SLC22A23: variants seen among roughly 807,000 people sequenced by gnomAD.
The protein encoded by SLC22A23 is ion transporter protein.
In SLC22A23, 26 loss-of-function variants were observed where a neutral mutation model predicts 61.0. The observed-to-expected ratio is 0.43, with a 90% CI of 0.31 to 0.59. The LOEUF (loss-of-function observed/expected upper bound fraction) is 0.59, where lower values mean the gene tolerates loss of function less well. Ranked by LOEUF, SLC22A23 falls within the 20% of genes least tolerant of loss-of-function variation. The pLI is 0.11. For synonymous variants in SLC22A23, 430 were observed against 413.9 expected (o/e 1.04, Z -0.47); for missense variants, 796 against 934.7 (o/e 0.85, Z 1.94).
At chr6:3,275,728 G>A (rs778035660) in intron 9 of SLC22A23, among the ~76,000 whole-genome samples, 4 of 152,170 alleles carry the variant, frequency 2.6e-5, no homozygotes, top group South Asian at 4.1e-4. Flanking sequence ...GACTATAGGC[G>A]CGTGCCACCA....
rs1215337858 is a variant in SLC22A23, at chr6:3,387,768, T to G, written c.913+22420A>C. On this transcript the variant is annotated intron_variant, in intron 3 of 9. Coordinates refer to ENST00000406686, the MANE Select transcript of SLC22A23 (RefSeq NM_015482.2). The surrounding 1 kb of genome is among the most constrained non-coding windows in gnomAD (Gnocchi z 5.0). ...ATGTTTTTAAAATATGGTGAACAAG[T>G]AAGTATATGTATATTTCATTCAAAG... is the stretch of plus-strand genomic sequence containing the variant. 1.3e-5 allele frequency among the ~76,000 whole-genome samples: 2 copies of G among 152,168 alleles called. No individual in the cohort carries two copies. The highest frequency in any genetic ancestry group is 3.8e-4 in the East Asian group (2 of 5,198).
intron 3 of SLC22A23, among the ~76,000 whole-genome samples, chr6:3,391,068 C>A (rs779819214): frequency 6.6e-6 from 1 of 152,170 alleles, no homozygotes; most frequent in South Asian, 2.1e-4. Context: ...CCTTCTCTCA[C>A]GGAGCTACAA....
At position 3,428,805 on chromosome 6, in the gene SLC22A23, T is replaced by C. The variant is rs183838712; in HGVS notation, c.655-12950A>G. 7.2e-5 allele frequency among the ~76,000 whole-genome samples: 11 copies of C among 152,324 alleles called. 1 individual carries two copies. The East Asian group carries it at 2.1e-3, about 29-fold the overall frequency. On this transcript the variant is annotated intron_variant, in intron 1 of 9. Transcript: ENST00000406686. ...GTTGAAGCTTTTTTTGAAGGCAGCA[T>C]GCCTAAAAGGGTAACAATAAGTGTT...
chr6:3,347,488 T>C (rs1764510147), intron 3 of SLC22A23, among the ~76,000 whole-genome samples: 1 of 151,808 alleles, frequency 6.6e-6, no homozygotes, highest in African/African-American at 2.4e-5. Context: ...CACTTAGTCA[T>C]TCCTTCCCCT....
chr6:3,416,578 T>C (rs1769720365), intron 1 of SLC22A23, among the ~76,000 whole-genome samples: 1 of 152,254 alleles, frequency 6.6e-6, no homozygotes, highest in Non-Finnish European at 1.5e-5. Flanking sequence ...TTTCTCCACT[T>C]GCAGGATCAG....
rs559273907 is a variant in SLC22A23 at position 3,427,906 on chromosome 6, G to A, written c.655-12051C>T. Among the ~76,000 whole-genome samples, 4 of 152,202 alleles carry A rather than the reference G, an allele frequency of 2.6e-5. No individual in the cohort carries two copies. Among genetic ancestry groups the A allele is most frequent in the Non-Finnish European group, 4.4e-5 (3 of 68,040 alleles). On this transcript the variant is annotated intron_variant, in intron 1 of 9. Transcript: ENST00000406686. This position sits in a 1 kb window ranked among gnomAD's most constrained non-coding sequence, Gnocchi z 4.3. ...GGCTCCCGGCCCCCGCCCTCTGGTC[G>A]GGAGAGGAAGAAGGTCGGCTGCACC...
At chr6:3,305,362 AAGTTGGGAAGC>A (rs1761902439) in intron 4 of SLC22A23, among the ~76,000 whole-genome samples, 3 of 152,208 alleles carry the variant, frequency 2.0e-5, no homozygotes, top group Admixed American at 2.0e-4. Flanking sequence ...CCGGTGACTG[AAGTTGGGAAGC>A]AGTGTTCCAG....
chr6:3,282,513 G>A (rs888817272), intron 9 of SLC22A23, among the ~76,000 whole-genome samples: 4 of 152,204 alleles, frequency 2.6e-5, no homozygotes, highest in African/African-American at 4.8e-5. Flanking sequence ...GAAAGTCCAC[G>A]GACCTGCCTA....
intron 3 of SLC22A23, among the ~76,000 whole-genome samples, chr6:3,370,158 T>C (rs947571157): frequency 2.6e-5 from 4 of 152,206 alleles, no homozygotes; most frequent in Admixed American, 1.3e-4. Context: ...CCTAAATTTA[T>C]TTTTTCCTTG....
Position 3,296,472 on chromosome 6 carries a change from A to G in SLC22A23, c.1210+1619T>C, listed in dbSNP as rs559912939. ...GTGCCTCTCTCATAGGCTGTCATGG[A>G]GAAATAATACACGTGAAGCACTTGG... On this transcript the variant is annotated intron_variant, in intron 5 of 9. Transcript: ENST00000406686. Among the ~76,000 whole-genome samples, 141 of 152,318 alleles carry G rather than the reference A, an allele frequency of 9.3e-4. 3 individuals are homozygous for G. In the South Asian group the frequency reaches 0.029, roughly 31 times the overall value.
chr6:3,425,645 G>T (rs1770444026), intron 1 of SLC22A23, among the ~76,000 whole-genome samples: 1 of 152,126 alleles, frequency 6.6e-6, no homozygotes, highest in Non-Finnish European at 1.5e-5. Context: ...TCTAGGTGAA[G>T]AAAGGAAACT....
rs995120186 is a variant in SLC22A23, at chr6:3,387,327, A to C, written c.913+22861T>G. Among the ~76,000 whole-genome samples the C allele has an allele frequency of 1.3e-5, 2 of 152,208 alleles. No homozygotes were observed. Among genetic ancestry groups the C allele is most frequent in the Non-Finnish European group, 2.9e-5 (2 of 68,040 alleles). On this transcript the variant is annotated intron_variant, in intron 3 of 9. Transcript: ENST00000406686. The surrounding 1 kb of genome is among the most constrained non-coding windows in gnomAD (Gnocchi z 5.0). ...TGAGCAGGGTGGTGCTCTTCCCCCT[A>C]GTCTGATCAAGAGAAAGTATCAGAC...
intron 3 of SLC22A23, among the ~76,000 whole-genome samples, chr6:3,344,842 T>G (rs1423280141): frequency 6.6e-6 from 1 of 152,226 alleles, no homozygotes; most frequent in Admixed American, 6.5e-5. Flanking sequence ...GTAAAGGTGC[T>G]TCTGGAGCTA....
rs182469687 is a variant in SLC22A23 at position 3,340,703 on chromosome 6, T to C, written c.914-16701A>G. ...ATAAAGTGACAGAGTGCGGCCCTTA[T>C]GGAAAACAGATGGGGCTACTGGGAA... On this transcript the variant is annotated intron_variant, in intron 3 of 9. Coordinates refer to ENST00000406686, the MANE Select transcript of SLC22A23 (RefSeq NM_015482.2). 2.5e-3 allele frequency among the ~76,000 whole-genome samples: 384 copies of C among 152,216 alleles called. 7 individuals are homozygous for C. Among genetic ancestry groups the C allele is most frequent in the Admixed American group, 0.024 (369 of 15,288 alleles).
At chr6:3,435,626 T>A (rs1229831365) in intron 1 of SLC22A23, among the ~76,000 whole-genome samples, 2 of 151,934 alleles carry the variant, frequency 1.3e-5, no homozygotes, top group East Asian at 3.9e-4. Context: ...AGAAGTGACA[T>A]GAGAACACAC....
chr6:3,276,109 TTGTG>T lies in SLC22A23; in HGVS notation c.1704-2701_1704-2698del, dbSNP rs112452724. ...TCAGAATGCAATGGAAGAATGGTGA[TTGTG>T]TGTGTGTGTGTGTGTTGGGGGCTTT... On this transcript the variant is annotated intron_variant, in intron 9 of 9. Coordinates refer to ENST00000406686, the MANE Select transcript of SLC22A23 (RefSeq NM_015482.2). Among the ~76,000 whole-genome samples the T allele has an allele frequency of 1.1e-3, 162 of 150,808 alleles. 1 individual carries two copies. Among genetic ancestry groups the T allele is most frequent in the African/African-American group, 3.8e-3 (157 of 41,146 alleles).
chr6:3,452,110 C>A (rs192705984), intron 1 of SLC22A23, among the ~76,000 whole-genome samples: 1 of 152,300 alleles, frequency 6.6e-6, no homozygotes, highest in East Asian at 1.9e-4. Flanking sequence ...GTAGGCTGGG[C>A]TAAGCCAGCA....
chr6:3,332,438 CT>C (rs1351584272), intron 3 of SLC22A23, among the ~76,000 whole-genome samples: 1 of 152,176 alleles, frequency 6.6e-6, no homozygotes. Context: ...AGTAAGTCTT[CT>C]TTTCTCTTCT....
At chr6:3,452,451 G>A (rs567011683) in intron 1 of SLC22A23, among the ~76,000 whole-genome samples, 1 of 151,850 alleles carries the variant, frequency 6.6e-6, no homozygotes, top group African/African-American at 2.4e-5. Flanking sequence ...AAATAAAAAT[G>A]AGCCAGGTGT....
Sources: gnomAD v4.1 joint callset for allele counts (sites outside exome capture counted in the v4.1 genomes callset) on GRCh38, gnomAD v4.1.1 for gene constraint, Gnocchi (gnomAD v3.1) non-coding constraint, MANE v1.5 for transcripts, NCBI Gene and HGNC (gene_info 2026-07-23, HGNC 2026-07-21) for gene names.